Variants in AFF2 observed in about 807,000 individuals in gnomAD.
AFF2 encodes the protein AF4/FMR2 family member 2.
AFF2 carries 14 observed loss-of-function variants against 76.9 expected under a neutral mutation model. That is an observed-to-expected ratio of 0.18 (90% confidence interval 0.12 to 0.28). The LOEUF (loss-of-function observed/expected upper bound fraction) is 0.28. AFF2 is among the 10% of genes least tolerant of loss of function. AFF2 has a pLI of 1.00. For synonymous variants in AFF2, 398 were observed against 366.7 expected (o/e 1.09, Z -0.98); for missense variants, 868 against 1,001.1 (o/e 0.87, Z 1.79).
chrX:148,989,538 C>A (rs1384944717), intron 20 of AFF2, among the ~76,000 whole-genome samples: 2 of 112,191 alleles, frequency 1.8e-5, no homozygotes, highest in Non-Finnish European at 3.8e-5. Context: ...GGGGAGAAGA[C>A]TAGTGTGAAA....
intron 8 of AFF2, among the ~76,000 whole-genome samples, chrX:148,890,370 T>C (rs1557279608): frequency 8.9e-6 from 1 of 112,067 alleles, no homozygotes; most frequent in Non-Finnish European, 1.9e-5. Context: ...AGACAGTGTA[T>C]AAGAAAATGC....
chrX:148,620,597 A>T (rs2053857452), intron 1 of AFF2, among the ~76,000 whole-genome samples: 2 of 110,503 alleles, frequency 1.8e-5, no homozygotes, highest in South Asian at 7.7e-4. Flanking sequence ...TCTGGAAAAG[A>T]CATTCTCATC....
intron 9 of AFF2, among the ~76,000 whole-genome samples, chrX:148,907,166 A>G (rs1273418283): frequency 8.9e-6 from 1 of 112,310 alleles, no homozygotes; most frequent in Non-Finnish European, 1.9e-5. Context: ...AGAGAATTTC[A>G]GTTACACACA....
intron 1 of AFF2, among the ~76,000 whole-genome samples, chrX:148,630,097 C>T (rs2053965199): frequency 9.0e-6 from 1 of 111,464 alleles, no homozygotes; most frequent in Non-Finnish European, 1.9e-5. Context: ...AGTACCAGAC[C>T]CCACAGAAAT....
chrX:148,569,602 T>G (rs1248668543), intron 1 of AFF2, among the ~76,000 whole-genome samples: 1 of 111,285 alleles, frequency 9.0e-6, no homozygotes, highest in African/African-American at 3.3e-5. Flanking sequence ...ATGTGGAGAT[T>G]TGCTATGTTA....
At chrX:148,667,826 A>G (rs2054375581) in intron 3 of AFF2, among the ~76,000 whole-genome samples, 1 of 111,705 alleles carries the variant, frequency 9.0e-6, no homozygotes, top group East Asian at 2.8e-4. Context: ...GCCAAACCAT[A>G]TTAATCCACC....
chrX:148,749,702 C>G (rs1557266344), intron 3 of AFF2, among the ~76,000 whole-genome samples: 1 of 110,560 alleles, frequency 9.0e-6, no homozygotes, highest in East Asian at 2.8e-4. Context: ...ACCCTACGTG[C>G]TGCACCATAA....
Position 148,835,190 on chromosome X carries a change from C to A in AFF2, c.1087-2457C>A, listed in dbSNP as rs1385660819. On this transcript the variant is annotated intron_variant, in intron 4 of 20. Coordinates refer to ENST00000370460, the MANE Select transcript of AFF2 (RefSeq NM_002025.4). ...TGTCTGAAACACCTTTTAATAAACCCAGAGGCACACCTCTAAAATCAGTGG... is the reference window on the plus strand; with the variant it reads ...TGTCTGAAACACCTTTTAATAAACCAAGAGGCACACCTCTAAAATCAGTGG... Among the ~76,000 whole-genome samples the A allele has an allele frequency of 4.5e-5, 5 of 111,044 alleles. No individual in the cohort carries two copies. The Admixed American group carries it at 4.8e-4, about 11-fold the overall frequency.
At chrX:148,524,438 C>T (rs373720569) in intron 1 of AFF2, among the ~76,000 whole-genome samples, 18 of 111,118 alleles carry the variant, frequency 1.6e-4, no homozygotes, top group African/African-American at 5.9e-4. Context: ...TAAAATTTGC[C>T]TTTTCAAATG....
rs782504469 is a variant in AFF2 at position 148,662,050 on chromosome X, A to G, written c.323A>G (p.Asn108Ser). 1 of 1,210,700 alleles carries G rather than the reference A, an allele frequency of 8.3e-7. No homozygotes were observed. ...PKNSVPQNPN[N>S]KNEPSFFPEQ... The stretch of plus-strand genomic sequence containing the variant: ...AATTCTGTGCCCCAGAATCCCAACA[A>G]CAAAAATGAACCAAGCTTTTTTCCA... The change falls in exon 3 of 21, where the codon AAC (asparagine) becomes AGC (serine). Residue 108 changes from asparagine (N) to serine (S), a missense_variant. By Grantham distance (46) the Asn-to-Ser change is conservative. Transcript: ENST00000370460.
At chrX:148,656,116 T>C (rs2054248918) in intron 2 of AFF2, among the ~76,000 whole-genome samples, 1 of 112,023 alleles carries the variant, frequency 8.9e-6, no homozygotes. Flanking sequence ...GGCTAATTTC[T>C]TTCCCTTCTT....
chrX:148,835,105 T>G (rs1395895894), intron 4 of AFF2, among the ~76,000 whole-genome samples: 1 of 111,854 alleles, frequency 8.9e-6, no homozygotes, highest in Non-Finnish European at 1.9e-5. Flanking sequence ...TGCCTCCGAG[T>G]AAATACAGAA....
At chrX:148,948,996 TA>T (rs2071933479) in intron 9 of AFF2, among the ~76,000 whole-genome samples, 7 of 111,172 alleles carry the variant, frequency 6.3e-5, no homozygotes, top group Non-Finnish European at 1.3e-4. Flanking sequence ...TCTTCCTGAC[TA>T]GATCTCCAAC....
rs782179754 is a variant in AFF2 at position 148,843,409 on chromosome X, C to T, written c.1238C>T (p.Ser413Phe). Residue 413 changes from serine (S) to phenylalanine (F), a missense_variant, in exon 7 of 21, where the codon TCT becomes TTT. Physicochemically the swap from Ser to Phe is radical, Grantham distance 155. Around this residue, in one of 6 missense-constraint regions of AFF2, gnomAD observed 532 missense variants for 564.2 expected, o/e 0.94. Coordinates refer to ENST00000370460, the MANE Select transcript of AFF2 (RefSeq NM_002025.4). Reference protein sequence around the residue: ...QKWNDPTTRASTKSVSFKSML... With the variant: ...QKWNDPTTRAFTKSVSFKSML... Reference sequence around the variant, plus strand: ...TGGAATGACCCAACCACCAGAGCTTCTACAAAGTCAGTGTCTTTCAAATCG... The same window carrying T: ...TGGAATGACCCAACCACCAGAGCTTTTACAAAGTCAGTGTCTTTCAAATCG... The T allele has an allele frequency of 3.5e-5, 42 of 1,207,740 alleles. No homozygotes were observed. In the South Asian group the frequency reaches 7.1e-4, roughly 20 times the overall value.
Sources: allele counts gnomAD v4.1 joint callset (sites outside exome capture counted in the v4.1 genomes callset), GRCh38; gene constraint gnomAD v4.1.1; regional missense constraint gnomAD v4.1.1; transcripts MANE v1.5; gene names NCBI Gene and HGNC (gene_info 2026-07-23, HGNC 2026-07-21).